The following ADGRL2 variants were observed in gnomAD, a reference collection of about 807,000 sequenced individuals.
The protein encoded by ADGRL2 is calcium-independent alpha-latrotoxin receptor 2.
In ADGRL2, 44 loss-of-function variants were observed where a neutral mutation model predicts 157.4. The observed-to-expected ratio is 0.28, with a 90% confidence interval of 0.22 to 0.36. ADGRL2 has a LOEUF of 0.36. ADGRL2 is among the 10% of genes least tolerant of loss of function. The probability of loss-of-function intolerance (pLI) is 1.00; values close to 1 mark genes in which losing one functional copy is unlikely to be tolerated. For synonymous variants in ADGRL2, 585 were observed against 624.7 expected (o/e 0.94, Z 0.95); for missense variants, 1,510 against 1,768.9 (o/e 0.85, Z 2.63).
intron 13 of ADGRL2, 116 bp from the exon 14 acceptor site, chr1:81,967,910 T>C (rs1220799901): frequency 1.2e-6 from 1 of 853,642 alleles, no homozygotes; most frequent in Non-Finnish European, 1.8e-6. Flanking sequence ...ATGAAAAACT[T>C]TATAGTCTGA....
intron 1 of ADGRL2, among the ~76,000 whole-genome samples, chr1:81,721,265 T>G (rs565238925): frequency 6.6e-6 from 1 of 151,974 alleles, no homozygotes; most frequent in Non-Finnish European, 1.5e-5. Context: ...AATCAAAATT[T>G]AACTCAAAAC....
chr1:81,791,624 CA>C (rs1051304479), intron 2 of ADGRL2, among the ~76,000 whole-genome samples: 3 of 147,822 alleles, frequency 2.0e-5, no homozygotes, highest in African/African-American at 7.5e-5. Flanking sequence ...ATGGAATTTC[CA>C]AAAAAAGAAA....
intron 2 of ADGRL2, among the ~76,000 whole-genome samples, chr1:81,480,578 A>G (rs1375302349): frequency 6.6e-6 from 1 of 152,224 alleles, no homozygotes; most frequent in African/African-American, 2.4e-5. Flanking sequence ...ATTATACAAG[A>G]TATAGCTGAC....
At chr1:81,540,204 T>G (rs147761760) in intron 2 of ADGRL2, among the ~76,000 whole-genome samples, 11 of 152,314 alleles carry the variant, frequency 7.2e-5, no homozygotes, top group African/African-American at 2.6e-4. Flanking sequence ...TCTTAAAACT[T>G]TTTTCCTAAA....
At chr1:81,699,234 A>G (rs2083508323), upstream of ADGRL2, among the ~76,000 whole-genome samples, 1 of 152,236 alleles carries the variant, frequency 6.6e-6, no homozygotes, top group Non-Finnish European at 1.5e-5. Context: ...TTTTTAAGAC[A>G]GGAACATAAA....
At chr1:81,544,733 G>A (rs1474906663) in intron 2 of ADGRL2, among the ~76,000 whole-genome samples, 1 of 152,134 alleles carries the variant, frequency 6.6e-6, no homozygotes, top group Non-Finnish European at 1.5e-5. Flanking sequence ...CTCTATCATA[G>A]GTGGCCTTCA....
intron 2 of ADGRL2, among the ~76,000 whole-genome samples, chr1:81,480,813 A>G (rs956369985): frequency 6.6e-6 from 1 of 152,172 alleles, no homozygotes; most frequent in Non-Finnish European, 1.5e-5. Context: ...CTAGTACAGG[A>G]ATTTACCCCA....
At chr1:81,508,718 T>C (rs1263930566) in intron 2 of ADGRL2, among the ~76,000 whole-genome samples, 1 of 152,170 alleles carries the variant, frequency 6.6e-6, no homozygotes, top group East Asian at 1.9e-4. Flanking sequence ...TTTTACAGAA[T>C]ACATAATAGG....
At chr1:81,964,667 A>G (rs999810675) in intron 11 of ADGRL2, among the ~76,000 whole-genome samples, 2 of 152,132 alleles carry the variant, frequency 1.3e-5, no homozygotes, top group African/African-American at 4.8e-5. Flanking sequence ...ATTACTGTAC[A>G]ATGGTATGAG....
At chr1:81,718,251 C>T (rs900178750) in intron 1 of ADGRL2, among the ~76,000 whole-genome samples, 1 of 152,212 alleles carries the variant, frequency 6.6e-6, no homozygotes, top group Non-Finnish European at 1.5e-5. Flanking sequence ...ATCTCTTGAC[C>T]TCATGATCTG....
intron 1 of ADGRL2, among the ~76,000 whole-genome samples, chr1:81,410,966 C>T (rs1365336294): frequency 6.6e-6 from 1 of 152,190 alleles, no homozygotes; most frequent in African/African-American, 2.4e-5. Flanking sequence ...ACTCAAACAG[C>T]ATATTATCTT....
At chr1:81,379,931 C>A (rs1003242528) in intron 1 of ADGRL2, among the ~76,000 whole-genome samples, 2 of 152,164 alleles carry the variant, frequency 1.3e-5, no homozygotes, top group Admixed American at 6.5e-5. Flanking sequence ...AGAGCCCTAG[C>A]CAGGGACCAC....
intron 11 of ADGRL2, among the ~76,000 whole-genome samples, chr1:81,959,379 A>G (rs9438719): frequency 0.62 from 93,966 of 152,002 alleles, 29,390 homozygotes; most frequent in East Asian, 0.75. Context: ...AATTCTAAAG[A>G]TTCTTTTTAT....
intron 2 of ADGRL2, among the ~76,000 whole-genome samples, chr1:81,466,587 C>G (rs1422349720): frequency 6.6e-6 from 1 of 152,132 alleles, no homozygotes; most frequent in Non-Finnish European, 1.5e-5. Context: ...TCAAACTAAA[C>G]CTAGCAACTA....
chr1:81,956,113 G>C, intron 11 of ADGRL2, 53 bp downstream of exon 11: 1 of 1,318,874 alleles, frequency 7.6e-7, no homozygotes, highest in Non-Finnish European at 1.0e-6. Context: ...TCATATGTAA[G>C]AGGATGATGT....
At chr1:81,700,981 T>A (rs1291880717) in intron 1 of ADGRL2, among the ~76,000 whole-genome samples, 1 of 152,226 alleles carries the variant, frequency 6.6e-6, no homozygotes. Flanking sequence ...AATGCAGAAA[T>A]GCTGATTGTT....
intron 11 of ADGRL2, among the ~76,000 whole-genome samples, chr1:81,963,656 C>G (rs976476836): frequency 2.6e-5 from 4 of 151,216 alleles, no homozygotes; most frequent in African/African-American, 7.3e-5. Flanking sequence ...TTAAATTTCT[C>G]TATTTGATGA....
intron 1 of ADGRL2, among the ~76,000 whole-genome samples, chr1:81,322,462 T>G (rs1451308698): frequency 6.6e-6 from 1 of 152,136 alleles, no homozygotes; most frequent in Non-Finnish European, 1.5e-5. Flanking sequence ...TGAGGTTTTC[T>G]AGCAAGGAAC....
At chr1:81,703,875 A>T (rs556800821) in intron 1 of ADGRL2, among the ~76,000 whole-genome samples, 2 of 152,256 alleles carry the variant, frequency 1.3e-5, no homozygotes, top group African/African-American at 4.8e-5. Flanking sequence ...TTTTATTTTT[A>T]GTTTAGTGCT....
Sources: gnomAD v4.1 joint callset for allele counts (sites outside exome capture counted in the v4.1 genomes callset) on GRCh38, gnomAD v4.1.1 for gene constraint, MANE v1.5 for transcripts, NCBI Gene and HGNC (gene_info 2026-07-23, HGNC 2026-07-21) for gene names.